The following ANKRD62 variants were observed in gnomAD, a reference collection of about 807,000 sequenced individuals.
ANKRD62 encodes ankyrin repeat domain 62.
Under a neutral mutation model 98.8 loss-of-function variants are expected in ANKRD62, and 61 were observed. The observed-to-expected ratio is 0.62, with a 90% CI of 0.50 to 0.76. The LOEUF is 0.76. ANKRD62 is among the 30% of genes least tolerant of loss of function. The pLI, the probability that ANKRD62 is intolerant of heterozygous loss-of-function variation, is 0.00. For synonymous variants in ANKRD62, 341 were observed against 367.9 expected (o/e 0.93, Z 0.84); for missense variants, 933 against 1,082.9 (o/e 0.86, Z 1.94).
the ANKRD62 span, among the ~76,000 whole-genome samples, chr18:12,146,294 T>C: frequency 6.6e-6 from 1 of 152,310 alleles, no homozygotes; most frequent in Admixed American, 6.5e-5. Context: ...TGTGGGACTT[T>C]CCAGGAGGAG....
chr18:12,115,163 C>G, intron 9 of ANKRD62, 42 bp downstream of exon 9: 3 of 1,372,266 alleles, frequency 2.2e-6, no homozygotes, highest in Non-Finnish European at 2.8e-6. Flanking sequence ...TTGAACATAC[C>G]TTAAAAAAGA....
the ANKRD62 span, among the ~76,000 whole-genome samples, chr18:12,135,963 A>G: frequency 6.6e-6 from 1 of 152,108 alleles, no homozygotes; most frequent in Non-Finnish European, 1.5e-5. Context: ...AGATCAGTAG[A>G]TTTCAAATAT....
At chr18:12,110,155 T>C (rs1264395997) in intron 8 of ANKRD62, among the ~76,000 whole-genome samples, 1 of 152,226 alleles carries the variant, frequency 6.6e-6, no homozygotes, top group African/African-American at 2.4e-5. Flanking sequence ...TCATATTGTA[T>C]AATTTACAAA....
rs1909164720 is a variant in ANKRD62 at position 12,095,573 on chromosome 18, T to A, written c.470T>A (p.Leu157Gln). The change falls in exon 3 of 14, where the codon CTG (leucine) becomes CAG (glutamine). Residue 157 changes from leucine (L) to glutamine (Q), a missense_variant. Physicochemically the swap from Leu to Gln is moderately radical, Grantham distance 113. Coordinates refer to ENST00000587848, the MANE Select transcript of ANKRD62 (RefSeq NM_001277333.2). ...DNENISMARK[L>Q]LAYGADIEAR... ...GAGAATATATCAATGGCAAGAAAAC[T>A]GCTTGCATATGGTGCAGATATTGAA... is the stretch of plus-strand genomic sequence containing the variant. 6.5e-7 allele frequency: 1 copy of A among 1,530,952 alleles called. No individual in the cohort carries two copies. The highest frequency in any genetic ancestry group is 8.7e-7 in the Non-Finnish European group (1 of 1,143,926). The allele number at this position is 1,530,952 out of a possible 1,614,324, so 94.8% of individuals were successfully genotyped here.
At chr18:12,170,763 C>T in the ANKRD62 span, among the ~76,000 whole-genome samples, 6 of 152,266 alleles carry the variant, frequency 3.9e-5, no homozygotes, top group South Asian at 4.2e-4. Flanking sequence ...GTGTGAGAGT[C>T]TAAGTCTCTT....
chr18:12,172,322 G>A, the ANKRD62 span, among the ~76,000 whole-genome samples: 1 of 152,174 alleles, frequency 6.6e-6, no homozygotes, highest in Non-Finnish European at 1.5e-5. Flanking sequence ...TGGGGTTTTG[G>A]TGTGGATGTC....
At chr18:12,156,728 A>G in the ANKRD62 span, among the ~76,000 whole-genome samples, 1 of 152,156 alleles carries the variant, frequency 6.6e-6, no homozygotes, top group Non-Finnish European at 1.5e-5. Flanking sequence ...TGAATTTGCT[A>G]TACCATTTAG....
chr18:12,103,285 A>G, intron 7 of ANKRD62, 57 bp downstream of exon 7: 3 of 1,101,284 alleles, frequency 2.7e-6, no homozygotes, highest in Non-Finnish European at 3.5e-6. Flanking sequence ...AGCATAATCC[A>G]AATGAAATTA....
chr18:12,118,119 C>T (rs1005565719), intron 10 of ANKRD62, among the ~76,000 whole-genome samples: 2 of 152,268 alleles, frequency 1.3e-5, no homozygotes, highest in South Asian at 4.1e-4. Flanking sequence ...TGCTATACAT[C>T]GTATGGGTTT....
chr18:12,166,473 T>C, the ANKRD62 span, among the ~76,000 whole-genome samples: 1 of 152,152 alleles, frequency 6.6e-6, no homozygotes, highest in Non-Finnish European at 1.5e-5. Context: ...TTCTGCTTCT[T>C]TTTAATAATT....
At chr18:12,110,735 T>G (rs1181222126) in intron 8 of ANKRD62, among the ~76,000 whole-genome samples, 3 of 152,222 alleles carry the variant, frequency 2.0e-5, no homozygotes, top group Non-Finnish European at 4.4e-5. Flanking sequence ...ACATAATTTC[T>G]TAGATCTCAT....
At chr18:12,107,237 G>T in intron 7 of ANKRD62, 58 bp from the exon 8 acceptor site, 10 of 1,269,874 alleles carry the variant, frequency 7.9e-6, no homozygotes, top group Non-Finnish European at 1.0e-5. Context: ...ACACAAAAAA[G>T]TTCTTTCTAT....
chr18:12,171,996 C>T, the ANKRD62 span, among the ~76,000 whole-genome samples: 161 of 152,234 alleles, frequency 1.1e-3, no homozygotes, highest in African/African-American at 3.5e-3. Context: ...AGGTCATTTA[C>T]GGTCTTCTCT....
the ANKRD62 span, among the ~76,000 whole-genome samples, chr18:12,138,514 T>C: frequency 6.6e-6 from 1 of 152,204 alleles, no homozygotes; most frequent in Non-Finnish European, 1.5e-5. Context: ...GGAAAGAATG[T>C]ATATTCTGTT....
At chr18:12,181,151 GC>G in the ANKRD62 span, among the ~76,000 whole-genome samples, 1 of 151,352 alleles carries the variant, frequency 6.6e-6, no homozygotes, top group Non-Finnish European at 1.5e-5. Context: ...TCTATACTGT[GC>G]AATTAAATAA....
At chr18:12,171,833 C>A in the ANKRD62 span, among the ~76,000 whole-genome samples, 1 of 152,132 alleles carries the variant, frequency 6.6e-6, no homozygotes, top group Non-Finnish European at 1.5e-5. Flanking sequence ...AGGCTTTGTT[C>A]ATTTCTTTTT....
Position 12,122,522 on chromosome 18 carries a change from AC to A in ANKRD62, c.1454+7del. ...AAAAAGCTCTGTAATTTGAGGTATC[AC>A]ATTCTAGTTTTAAAGAAATATTTCA... On this transcript the variant is annotated splice_region_variant and intron_variant, in intron 11 of 13. Transcript: ENST00000587848. The A allele has an allele frequency of 6.6e-7, 1 of 1,504,990 alleles. No homozygotes were observed. The allele number at this position is 1,504,990 out of a possible 1,614,324, so 93.2% of individuals were successfully genotyped here.
downstream of ANKRD62, among the ~76,000 whole-genome samples, chr18:12,132,169 T>C (rs1001343694): frequency 6.6e-6 from 1 of 152,166 alleles, no homozygotes; most frequent in African/African-American, 2.4e-5. Flanking sequence ...CCAAGAATTT[T>C]ATATTTTAAT....
chr18:12,176,517 T>A, the ANKRD62 span, among the ~76,000 whole-genome samples: 1 of 126,678 alleles, frequency 7.9e-6, no homozygotes, highest in Non-Finnish European at 1.7e-5. Context: ...TTTTGAAAGT[T>A]CAGTAAAGTT....
Sources: allele counts gnomAD v4.1 joint callset (sites outside exome capture counted in the v4.1 genomes callset), GRCh38; gene constraint gnomAD v4.1.1; transcripts MANE v1.5; gene names NCBI Gene and HGNC (gene_info 2026-07-23, HGNC 2026-07-21).